PGGT1B: variants seen among roughly 807,000 people sequenced by gnomAD.
PGGT1B encodes geranylgeranyl transferase type-1 subunit beta.
A neutral mutation model predicts 46.1 loss-of-function variants in PGGT1B; 30 were observed. The ratio of observed to expected loss-of-function variants is 0.65; its 90% CI spans 0.49 to 0.88. The LOEUF (loss-of-function observed/expected upper bound fraction) is 0.88, where lower values mean the gene tolerates loss of function less well. Among genes scored for constraint, PGGT1B ranks in the 40% least tolerant of loss-of-function variants. The pLI is 0.00. For synonymous variants in PGGT1B, 170 were observed against 160.0 expected (o/e 1.06, Z -0.47); for missense variants, 376 against 455.9 (o/e 0.82, Z 1.60).
chr5:115,230,247 A>C (rs1285842828), intron 6 of PGGT1B, among the ~76,000 whole-genome samples: 1 of 152,100 alleles, frequency 6.6e-6, no homozygotes, highest in East Asian at 1.9e-4. Flanking sequence ...TTTCTGCTAC[A>C]TTATGCTAGC....
In PGGT1B at chr5:115,221,866, A is replaced by G. The variant is rs1173081063; in HGVS notation, c.801T>C (p.Pro267=). 2 of 1,607,022 alleles carry G rather than the reference A, an allele frequency of 1.2e-6. No individual in the cohort carries two copies. Among genetic ancestry groups the G allele is most frequent in the Admixed American group, 1.7e-5 (1 of 59,200 alleles). Residue 267 remains proline, a synonymous_variant, in exon 7 of 9, where the codon CCT becomes CCC. Transcript: ENST00000419445. ...CCCAAAAAGAATAACAGGTGTCTACAGGCTTATTAGGTCTTCCATGATAAC... is the reference window on the plus strand; with the variant it reads ...CCCAAAAAGAATAACAGGTGTCTACGGGCTTATTAGGTCTTCCATGATAAC... The part of the protein sequence containing the change: ...QNGYHGRPNK[P]VDTCYSFWVG...
At chr5:115,238,170 T>C (rs923180960) in intron 3 of PGGT1B, among the ~76,000 whole-genome samples, 161 bp from the exon 4 acceptor site, 1 of 152,098 alleles carries the variant, frequency 6.6e-6, no homozygotes, top group Admixed American at 6.5e-5. Context: ...ATTTTATGTA[T>C]GTCTCAATAT....
chr5:115,211,513 T>A lies in PGGT1B; in HGVS notation c.*889A>T, dbSNP rs543938312. ...AGAGCAGCTAACACACTGGGGGCAA[T>A]AAATTAAAAACTTCAAATGGCTAAA... On this transcript the variant is annotated 3_prime_UTR_variant, in exon 9 of 9. Transcript: ENST00000419445. 1.6e-5 allele frequency: 2 copies of A among 128,680 alleles called. No homozygotes were observed. The highest frequency in any genetic ancestry group is 3.3e-5 in the Non-Finnish European group (2 of 61,248). 8.0% of individuals were successfully genotyped at this position (128,680 alleles called of 1,614,324 possible).
rs901259816 is a variant in PGGT1B, at chr5:115,262,872, C to T, written c.-21G>A. 1.9e-6 allele frequency: 3 copies of T among 1,611,050 alleles called. No individual in the cohort carries two copies. The highest frequency in any genetic ancestry group is 2.5e-6 in the Non-Finnish European group (3 of 1,179,346). ...GCCATGCTGCTCCGGAAGCGACGTC[C>T]GCCGCGACCCGGAATCAGTGCCCGC... is the stretch of plus-strand genomic sequence containing the variant. On this transcript the variant is annotated 5_prime_UTR_variant, in exon 1 of 9. Transcript: ENST00000419445.
chr5:115,233,062 T>C (rs973664650), intron 5 of PGGT1B, among the ~76,000 whole-genome samples: 3 of 151,828 alleles, frequency 2.0e-5, no homozygotes, highest in African/African-American at 7.3e-5. Context: ...GGAATTCTTA[T>C]CAGAAAAAAT....
Position 115,241,521 on chromosome 5 carries a change from G to A in PGGT1B, c.327+18C>T. On this transcript the variant is annotated intron_variant, in intron 3 of 8. Coordinates refer to ENST00000419445, the MANE Select transcript of PGGT1B (RefSeq NM_005023.4). The stretch of plus-strand genomic sequence containing the variant: ...CCCTACATCCCTTCTACTTCCTTCT[G>A]AACCAAATAGAACCAACCTTTGATG... 6.5e-7 allele frequency: 1 copy of A among 1,544,342 alleles called. No homozygotes were observed. The highest frequency in any genetic ancestry group is 8.8e-7 in the Non-Finnish European group (1 of 1,133,804).
At chr5:115,225,364 A>C (rs879523269) in intron 6 of PGGT1B, among the ~76,000 whole-genome samples, 1 of 151,820 alleles carries the variant, frequency 6.6e-6, no homozygotes, top group Middle Eastern at 3.4e-3. Context: ...AATTCTTCCA[A>C]CTGCAGGGTA....
At chr5:115,245,526 T>C (rs987110245) in intron 2 of PGGT1B, among the ~76,000 whole-genome samples, 5 of 152,184 alleles carry the variant, frequency 3.3e-5, no homozygotes, top group Admixed American at 6.5e-5. Context: ...CAATAACATA[T>C]TGCAAGTAAT....
chr5:115,258,008 C>T (rs984619472), intron 1 of PGGT1B, among the ~76,000 whole-genome samples: 3 of 152,184 alleles, frequency 2.0e-5, no homozygotes, highest in Non-Finnish European at 4.4e-5. Context: ...AATTATTTTT[C>T]AATGGCTGAT....
chr5:115,246,011 T>G (rs558714652), intron 2 of PGGT1B, among the ~76,000 whole-genome samples: 2 of 152,302 alleles, frequency 1.3e-5, no homozygotes, highest in South Asian at 4.1e-4. Flanking sequence ...ATCCTAATGT[T>G]TTAAAAAATG....
chr5:115,232,233 G>A (rs1029681623), intron 5 of PGGT1B, among the ~76,000 whole-genome samples: 1 of 152,052 alleles, frequency 6.6e-6, no homozygotes, highest in Non-Finnish European at 1.5e-5. Flanking sequence ...TATACCACCA[G>A]AAGAACTAAG....
At chr5:115,213,894 G>A (rs886485113) in intron 8 of PGGT1B, among the ~76,000 whole-genome samples, 1 of 152,226 alleles carries the variant, frequency 6.6e-6, no homozygotes, top group East Asian at 1.9e-4. Flanking sequence ...ACAAATAGCT[G>A]TGCTTACTCA....
chr5:115,213,977 C>G (rs1267186487), intron 8 of PGGT1B, among the ~76,000 whole-genome samples: 1 of 152,124 alleles, frequency 6.6e-6, no homozygotes, highest in Non-Finnish European at 1.5e-5. Context: ...TCAGAAAATA[C>G]TTAGGTTTCT....
chr5:115,260,736 C>T (rs1170432691), intron 1 of PGGT1B, among the ~76,000 whole-genome samples: 1 of 151,966 alleles, frequency 6.6e-6, no homozygotes, highest in Admixed American at 6.5e-5. Flanking sequence ...AAAAAGGATA[C>T]AATATTGCTT....
At chr5:115,252,088 A>C (rs1748126711) in intron 2 of PGGT1B, among the ~76,000 whole-genome samples, 1 of 152,132 alleles carries the variant, frequency 6.6e-6, no homozygotes, top group Admixed American at 6.5e-5. Context: ...TACTCTTAGC[A>C]GAAATTCAAT....
intron 2 of PGGT1B, among the ~76,000 whole-genome samples, chr5:115,242,065 G>A (rs1005179928): frequency 6.6e-6 from 1 of 152,070 alleles, no homozygotes; most frequent in Non-Finnish European, 1.5e-5. Context: ...CTTTACATGG[G>A]AGCAAACTAA....
At chr5:115,230,685 T>C (rs1756949771) in intron 6 of PGGT1B, among the ~76,000 whole-genome samples, 2 of 152,134 alleles carry the variant, frequency 1.3e-5, no homozygotes, top group Non-Finnish European at 2.9e-5. Flanking sequence ...TGTTTTCTAA[T>C]GATAGTGTAA....
chr5:115,247,717 C>T (rs1216049670), intron 2 of PGGT1B, among the ~76,000 whole-genome samples: 1 of 151,864 alleles, frequency 6.6e-6, no homozygotes, highest in East Asian at 1.9e-4. Flanking sequence ...ACATTTCACA[C>T]ATTTGTTTTA....
At chr5:115,225,124 C>A (rs1756726741) in intron 6 of PGGT1B, among the ~76,000 whole-genome samples, 1 of 152,066 alleles carries the variant, frequency 6.6e-6, no homozygotes, top group Non-Finnish European at 1.5e-5. Context: ...AAACTGTGCT[C>A]ATTATGCCTT....
Sources: allele counts gnomAD v4.1 joint callset (sites outside exome capture counted in the v4.1 genomes callset), GRCh38; gene constraint gnomAD v4.1.1; transcripts MANE v1.5; gene names NCBI Gene and HGNC (gene_info 2026-07-23, HGNC 2026-07-21).